Variants in MMP17 observed in about 807,000 individuals in gnomAD.
MMP17 encodes the protein matrix metallopeptidase 17, also known as matrix metalloproteinase-17.
In MMP17, 54 loss-of-function variants were observed where a neutral mutation model predicts 49.1. The observed-to-expected ratio is 1.10, with a 90% CI of 0.88 to 1.38. The LOEUF is 1.38. Ranked by LOEUF, MMP17 falls within the 40% of genes most tolerant of loss-of-function variation. The probability of loss-of-function intolerance (pLI) is 0.00; values close to 1 mark genes in which losing one functional copy is unlikely to be tolerated. For missense variants in MMP17, 837 were observed against 853.7 expected (o/e 0.98, Z 0.24); for synonymous variants, 397 against 383.1 (o/e 1.04, Z -0.42).
Position 131,828,457 on chromosome 12 carries a change from G to A in MMP17, c.-38G>A. ...CTGCGGAACGCGAAGCGGAGGGCGCGGGACCCTGCACGCCGCCCGCGGGCC... is the reference window on the plus strand; with the variant it reads ...CTGCGGAACGCGAAGCGGAGGGCGCAGGACCCTGCACGCCGCCCGCGGGCC... On this transcript the variant is annotated 5_prime_UTR_variant, in exon 1 of 10. Coordinates refer to ENST00000360564, the MANE Select transcript of MMP17 (RefSeq NM_016155.7). 1 of 986,382 alleles carries A rather than the reference G, an allele frequency of 1.0e-6. No individual in the cohort carries two copies. The allele number at this position is 986,382 out of a possible 1,614,324, so 61.1% of individuals were successfully genotyped here. A position where few individuals can be genotyped will look rare whatever the true frequency, so the allele number is the denominator to read the frequency against.
At chr12:131,844,282 T>G (rs1422198189) in intron 6 of MMP17, 2 of 573,238 alleles carry the variant, frequency 3.5e-6, no homozygotes, top group African/African-American at 3.9e-5. Context: ...TGCACAGAAA[T>G]GAGAACTTCA....
rs556502783 is a variant in MMP17 at position 131,845,698 on chromosome 12, GCCACAGTCCA to G, written c.1204+252_1204+261del. ...AAAGCCCTGCCCTCGTTCTAGTCAGGCCACAGTCCACCCGCAAGTCAGGAGGAGCTGATGC... is the reference window on the plus strand; with the variant it reads ...AAAGCCCTGCCCTCGTTCTAGTCAGGCCCGCAAGTCAGGAGGAGCTGATGC... On this transcript the variant is annotated intron_variant, in intron 8 of 9. Transcript: ENST00000360564. 2.2e-3 allele frequency among the ~76,000 whole-genome samples: 335 copies of G among 152,336 alleles called. 3 individuals carry two copies. The highest frequency in any genetic ancestry group is 7.8e-3 in the African/African-American group (325 of 41,580).
At chr12:131,849,762 G>A (rs748925636) in intron 8 of MMP17, 40 bp from the exon 9 acceptor site, 4 of 1,580,084 alleles carry the variant, frequency 2.5e-6, no homozygotes, top group Non-Finnish European at 3.4e-6. Flanking sequence ...CTTCGGGGTG[G>A]GGCCGAGCCC....
At position 131,831,141 on chromosome 12, in the gene MMP17, G is replaced by T. The variant is rs372209607; in HGVS notation, c.159+2488G>T. 2.0e-5 allele frequency among the ~76,000 whole-genome samples: 3 copies of T among 152,358 alleles called. No individual in the cohort carries two copies. The East Asian group carries it at 5.8e-4, about 29-fold the overall frequency. ...TATTCACCTGGTTAAGCCAGGCTCG[G>T]CCTGCAGCCTGCTTCTGGCCAGAAC... On this transcript the variant is annotated intron_variant, in intron 1 of 9. Transcript: ENST00000360564.
At chr12:131,838,114 C>T in intron 1 of MMP17, 81 bp from the exon 2 acceptor site, 1 of 1,485,532 alleles carries the variant, frequency 6.7e-7, no homozygotes, top group African/African-American at 1.4e-5. Context: ...TGCCCGGAAG[C>T]AGTGGTGGCC....
At chr12:131,836,064 A>G (rs1344004680) in intron 1 of MMP17, among the ~76,000 whole-genome samples, 4 of 152,202 alleles carry the variant, frequency 2.6e-5, no homozygotes, top group Non-Finnish European at 5.9e-5. Flanking sequence ...CACCCCAGTC[A>G]TGAACGTCCA....
At chr12:131,840,881 C>T (rs1003402497) in intron 4 of MMP17, 25 bp downstream of exon 4, 27 of 1,557,114 alleles carry the variant, frequency 1.7e-5, no homozygotes, top group Non-Finnish European at 2.3e-5. Flanking sequence ...GCCCTCAGGG[C>T]AGAGTCAGGA....
chr12:131,828,566 G>GCTGCCA lies in MMP17; in HGVS notation c.76_77insCACTGC (p.Pro24_Leu25dup). 9.9e-7 allele frequency: 1 copy of GCTGCCA among 1,012,688 alleles called. No individual in the cohort carries two copies. The highest frequency in any genetic ancestry group is 1.2e-6 in the Non-Finnish European group (1 of 843,002). 62.7% of individuals were successfully genotyped at this position (1,012,688 alleles called of 1,614,324 possible). On this transcript the variant is annotated inframe_insertion, in exon 1 of 10. Transcript: ENST00000360564. ...CCGGACTCTCGCGGCTGCCGCTGCCGCTGCTGCTGCTGCTGGCGCTGGGGA... is the reference window on the plus strand; with the variant it reads ...CCGGACTCTCGCGGCTGCCGCTGCCGCTGCCACTGCTGCTGCTGCTGGCGCTGGGGA...
rs972181028 is a variant in MMP17 at position 131,846,336 on chromosome 12, G to GGAA, written c.1204+888_1204+889insAAG. ...CGCATCTTCTCTTATAAGGAAGCCGGGCCTTGATTCAGGTCCCCTAGTCCT... is the reference window on the plus strand; with the variant it reads ...CGCATCTTCTCTTATAAGGAAGCCGGGAAGCCTTGATTCAGGTCCCCTAGTCCT... On this transcript the variant is annotated intron_variant, in intron 8 of 9. Transcript: ENST00000360564. The surrounding 1 kb of genome is among the most constrained non-coding windows in gnomAD (Gnocchi z 4.6). Among the ~76,000 whole-genome samples, 5 of 151,966 alleles carry GGAA rather than the reference G, an allele frequency of 3.3e-5. No homozygotes were observed. Among genetic ancestry groups the GGAA allele is most frequent in the African/African-American group, 1.2e-4 (5 of 41,362 alleles).
At chr12:131,844,927 GCCCCCGCCCGC>G in intron 6 of MMP17, 180 bp from the exon 7 acceptor site, 1 of 602,180 alleles carries the variant, frequency 1.7e-6, no homozygotes, top group South Asian at 1.9e-5. Context: ...GTAGATCTCG[GCCCCCGCCCGC>G]TGAAGCGGTG....
intron 2 of MMP17, 36 bp from the exon 3 acceptor site, chr12:131,838,576 C>T (rs1325001595): frequency 1.3e-6 from 2 of 1,588,042 alleles, no homozygotes; most frequent in Non-Finnish European, 1.7e-6. Flanking sequence ...GGGGAGTGAG[C>T]TGGGCTAGGC....
intron 5 of MMP17, 33 bp downstream of exon 5, chr12:131,841,833 C>T (rs1887432078): frequency 6.5e-7 from 1 of 1,529,636 alleles, no homozygotes. Flanking sequence ...ACACAGGGCC[C>T]CTGGAAGAGG....
intron 8 of MMP17, among the ~76,000 whole-genome samples, chr12:131,847,733 A>G (rs905546626): frequency 6.6e-6 from 1 of 152,216 alleles, no homozygotes; most frequent in Non-Finnish European, 1.5e-5. Flanking sequence ...CTGCCTGGTG[A>G]TGTTCGCTGT....
At chr12:131,835,659 C>T (rs1255311254) in intron 1 of MMP17, among the ~76,000 whole-genome samples, 1 of 152,220 alleles carries the variant, frequency 6.6e-6, no homozygotes, top group African/African-American at 2.4e-5. Flanking sequence ...ACCCAGGCAG[C>T]AGCTGGCCTG....
intron 8 of MMP17, 145 bp downstream of exon 8, chr12:131,845,594 C>A: frequency 9.0e-7 from 1 of 1,110,130 alleles, no homozygotes; most frequent in African/African-American, 1.6e-5. Context: ...CTTGTGCACT[C>A]AGCAGATGCA....
chr12:131,829,875 G>A (rs549052295), intron 1 of MMP17, among the ~76,000 whole-genome samples: 39 of 152,366 alleles, frequency 2.6e-4, no homozygotes, highest in African/African-American at 9.4e-4. Flanking sequence ...CACTGTCCCT[G>A]CTGCCCGCGT....
At chr12:131,850,102 C>T (rs1347286678) in intron 9 of MMP17, 43 bp downstream of exon 9, 1 of 1,555,362 alleles carries the variant, frequency 6.4e-7, no homozygotes, top group Non-Finnish European at 8.7e-7. Context: ...CCTTGGTTTC[C>T]CCACCAGGAG....
chr12:131,838,318 G>T lies in MMP17; in HGVS notation c.283G>T (p.Gly95Cys). 1 of 1,612,852 alleles carries T rather than the reference G, an allele frequency of 6.2e-7. No individual in the cohort carries two copies. The highest frequency in any genetic ancestry group is 1.7e-4 in the Middle Eastern group (1 of 6,012). Residue 95 changes from glycine (G) to cysteine (C), a missense_variant, in exon 2 of 10, where the codon GGC (glycine) becomes TGC (cysteine). Gly to Cys is a radical substitution (Grantham distance 159, BLOSUM62 -3). Transcript: ENST00000360564. ...MQQFGGLEATGILDEATLALM... is the reference protein window; with the variant it reads ...MQQFGGLEATCILDEATLALM... ...GCAGTTTGGTGGCCTGGAGGCCACCGGCATCCTGGGTCAGTTCTCCAGGGG... is the reference window on the plus strand; with the variant it reads ...GCAGTTTGGTGGCCTGGAGGCCACCTGCATCCTGGGTCAGTTCTCCAGGGG...
intron 1 of MMP17, among the ~76,000 whole-genome samples, chr12:131,837,666 G>A (rs1250673500): frequency 6.6e-6 from 1 of 152,240 alleles, no homozygotes; most frequent in African/African-American, 2.4e-5. Flanking sequence ...GGTTGTACAG[G>A]TCGTGCACGG....
Sources: gnomAD v4.1 joint callset for allele counts (sites outside exome capture counted in the v4.1 genomes callset) on GRCh38, gnomAD v4.1.1 for gene constraint, Gnocchi (gnomAD v3.1) non-coding constraint, MANE v1.5 for transcripts, NCBI Gene and HGNC (gene_info 2026-07-23, HGNC 2026-07-21) for gene names.